SPTAN1: variants seen among roughly 807,000 people sequenced by gnomAD.
The protein encoded by SPTAN1 is spectrin alpha chain, non-erythrocytic 1.
In SPTAN1, 61 loss-of-function variants were observed where a neutral mutation model predicts 331.3. That is an observed-to-expected ratio of 0.18 (90% CI 0.15 to 0.23). The LOEUF is 0.23. Among genes scored for constraint, SPTAN1 ranks in the 10% least tolerant of loss-of-function variants. SPTAN1 has a pLI of 1.00. For synonymous variants in SPTAN1, 1,153 were observed against 1,173.9 expected (o/e 0.98, Z 0.36); for missense variants, 2,043 against 3,147.9 (o/e 0.65, Z 8.40).
rs1479581610 is a variant in SPTAN1 at position 128,627,369 on chromosome 9, C to T, written c.6577-17C>T. 6 of 1,549,382 alleles carry T rather than the reference C, an allele frequency of 3.9e-6. No individual in the cohort carries two copies. In the South Asian group the frequency reaches 7.1e-5, roughly 18 times the overall value. On this transcript the variant is annotated splice_polypyrimidine_tract_variant and intron_variant, in intron 49 of 56. Coordinates refer to ENST00000372739, the MANE Select transcript of SPTAN1 (RefSeq NM_001130438.3). The surrounding 1 kb of genome is among the most constrained non-coding windows in gnomAD (Gnocchi z 4.9). ...TGCCACAGCAGCGCACAGCATCTGC[C>T]CCCCTTTGGCCCTCAGGAGAGGGAG...
chr9:128,568,798 T>C lies in SPTAN1; in HGVS notation c.264T>C (p.Phe88=). The C allele has an allele frequency of 6.2e-7, 1 of 1,614,116 alleles. No individual in the cohort carries two copies. Among genetic ancestry groups the C allele is most frequent in the Non-Finnish European group, 8.5e-7 (1 of 1,179,998 alleles). ...LQGKLQKHQA[F]EAEVQANSGA... ...GAAAGCTTCAGAAGCATCAAGCATTTGAAGCTGAAGTGCAGGCCAACTCAG... is the reference window on the plus strand; with the variant it reads ...GAAAGCTTCAGAAGCATCAAGCATTCGAAGCTGAAGTGCAGGCCAACTCAG... Residue 88 remains phenylalanine, a synonymous_variant, in exon 3 of 57, where the codon TTT becomes TTC. Transcript: ENST00000372739.
chr9:128,582,972 C>T lies in SPTAN1; in HGVS notation c.1807-105C>T, dbSNP rs1564224562. 4 of 1,574,538 alleles carry T rather than the reference C, an allele frequency of 2.5e-6. No individual in the cohort carries two copies. The East Asian group carries it at 9.0e-5, about 35-fold the overall frequency. On this transcript the variant is annotated intron_variant, in intron 14 of 56. Transcript: ENST00000372739. Reference sequence around the variant, plus strand: ...AGAAACCCCACTACTTAATGTAAGCCAACTGTTTTATACATTCCTCCATAA... The same window carrying T: ...AGAAACCCCACTACTTAATGTAAGCTAACTGTTTTATACATTCCTCCATAA...
rs112366038 is a variant in SPTAN1 at position 128,591,930 on chromosome 9, C to T, written c.3155+305C>T. Among the ~76,000 whole-genome samples, 939 of 152,292 alleles carry T rather than the reference C, an allele frequency of 6.2e-3. 8 individuals are homozygous for T. The highest frequency in any genetic ancestry group is 0.021 in the African/African-American group (866 of 41,540). On this transcript the variant is annotated intron_variant, in intron 22 of 56. Transcript: ENST00000372739. ...TGAAATTGGATTTTCAGATACTCTA[C>T]GCCCCTACAGCTCTGTCCACTTTGA...
At chr9:128,598,859 C>A in intron 25 of SPTAN1, 104 bp from the exon 26 acceptor site, 1 of 1,068,856 alleles carries the variant, frequency 9.4e-7, no homozygotes, top group Non-Finnish European at 1.5e-6. Context: ...TCCATTTGTC[C>A]TTTTGGAATT....
Position 128,615,831 on chromosome 9 carries a change from C to G in SPTAN1, c.5348C>G (p.Ser1783Cys). ...TTCCGGGACATGGATGACGAGGAGTCCTGGATCAAGTATGTCTTCTCAGCC... is the reference window on the plus strand; with the variant it reads ...TTCCGGGACATGGATGACGAGGAGTGCTGGATCAAGTATGTCTTCTCAGCC... ...QFFRDMDDEE[S>C]WIKEKKLLVG... Residue 1783 changes from serine to cysteine, a missense_variant, in exon 41 of 57, where the codon TCC becomes TGC. Physicochemically the swap from Ser to Cys is moderately radical, Grantham distance 112 (BLOSUM62 -1). Transcript: ENST00000372739. The G allele has an allele frequency of 6.2e-7, 1 of 1,614,198 alleles. No individual in the cohort carries two copies. The highest frequency in any genetic ancestry group is 2.2e-5 in the East Asian group (1 of 44,882).
At chr9:128,560,682 C>G (rs1849215448) in intron 1 of SPTAN1, among the ~76,000 whole-genome samples, 1 of 151,978 alleles carries the variant, frequency 6.6e-6, no homozygotes, top group South Asian at 2.1e-4. Context: ...GTCTGCCTCA[C>G]TGTTTTTTCA....
chr9:128,600,019 G>C, intron 26 of SPTAN1, 61 bp from the exon 27 acceptor site: 1 of 1,571,322 alleles, frequency 6.4e-7, no homozygotes, highest in Non-Finnish European at 8.8e-7. Context: ...CGCTGGAAAG[G>C]CCAGGTGCTT....
chr9:128,624,240 T>C (rs1217895751), intron 45 of SPTAN1, 88 bp from the exon 46 acceptor site: 75 of 1,548,822 alleles, frequency 4.8e-5, no homozygotes, highest in South Asian at 1.7e-4. Flanking sequence ...GCCCATTTTA[T>C]AGAAGTTTAG....
chr9:128,583,835 G>T lies in SPTAN1; in HGVS notation c.2059G>T (p.Val687Phe). The T allele has an allele frequency of 1.2e-6, 2 of 1,614,220 alleles. No individual in the cohort carries two copies. The highest frequency in any genetic ancestry group is 1.7e-6 in the Non-Finnish European group (2 of 1,180,040). The change falls in exon 16 of 57, where the codon GTT becomes TTT. Residue 687 changes from valine to phenylalanine, a missense_variant. Val to Phe is a conservative substitution (Grantham distance 50). Around this residue, in one of 12 missense-constraint regions of SPTAN1, gnomAD observed 1,038 missense variants for 1,531.5 expected, o/e 0.68. Coordinates refer to ENST00000372739, the MANE Select transcript of SPTAN1 (RefSeq NM_001130438.3). Reference sequence around the variant, plus strand: ...CCAGCAACAGCAATTTAATCGCAATGTTGAGGATATTGAATTGTGGCTATA... The same window carrying T: ...CCAGCAACAGCAATTTAATCGCAATTTTGAGGATATTGAATTGTGGCTATA... ...ANQQQQFNRN[V>F]EDIELWLYEV...
intron 43 of SPTAN1, 63 bp from the exon 44 acceptor site, chr9:128,618,808 T>C: frequency 6.2e-7 from 1 of 1,612,938 alleles, no homozygotes; most frequent in Non-Finnish European, 8.5e-7. Flanking sequence ...AAGCATATGT[T>C]AACTATCACA....
At chr9:128,594,590 C>A (rs1853980920) in intron 24 of SPTAN1, among the ~76,000 whole-genome samples, 1 of 151,466 alleles carries the variant, frequency 6.6e-6, no homozygotes, top group African/African-American at 2.4e-5. Context: ...GTCACCACGC[C>A]CTGCTAATTT....
intron 25 of SPTAN1, 136 bp downstream of exon 25, chr9:128,598,640 T>A: frequency 1.3e-6 from 1 of 790,286 alleles, no homozygotes; most frequent in Non-Finnish European, 2.2e-6. Context: ...GTCCTCTATG[T>A]GACCAAAACC....
At chr9:128,604,286 A>T (rs1232955377) in intron 28 of SPTAN1, 40 bp from the exon 29 acceptor site, 2 of 1,595,478 alleles carry the variant, frequency 1.3e-6, no homozygotes, top group South Asian at 1.1e-5. Context: ...GCATGACAGG[A>T]GAGGGAGTGC....
chr9:128,593,691 G>A (rs1853837040), intron 23 of SPTAN1: 1 of 210,872 alleles, frequency 4.7e-6, no homozygotes, highest in African/African-American at 2.3e-5. Flanking sequence ...CTACTAATAT[G>A]GAGATAAAAC....
At chr9:128,579,759 C>G in intron 10 of SPTAN1, 21 bp downstream of exon 10, 2 of 1,593,764 alleles carry the variant, frequency 1.3e-6, no homozygotes, top group South Asian at 2.2e-5. Flanking sequence ...AGAAATGGAG[C>G]TTTTGAGGAG....
intron 3 of SPTAN1, among the ~76,000 whole-genome samples, chr9:128,569,748 C>T (rs1850437818): frequency 6.6e-6 from 1 of 152,004 alleles, no homozygotes. Context: ...TAAGCCCCAG[C>T]TAGAACTGTT....
chr9:128,569,677 G>C (rs1850431232), intron 3 of SPTAN1, among the ~76,000 whole-genome samples: 1 of 151,850 alleles, frequency 6.6e-6, no homozygotes, highest in Admixed American at 6.6e-5. Flanking sequence ...TTGAGGCCCA[G>C]CCTTTTCTAG....
intron 52 of SPTAN1, chr9:128,631,858 T>C (rs1859793094): frequency 4.0e-6 from 2 of 501,928 alleles, no homozygotes; most frequent in Non-Finnish European, 3.6e-6. Flanking sequence ...CTTCCTGGAG[T>C]CCTCGCCGTA....
At chr9:128,553,203 A>G (rs1848320720) in intron 1 of SPTAN1, 1 of 152,274 alleles carries the variant, frequency 6.6e-6, no homozygotes. Flanking sequence ...GGGGAGCCCG[A>G]GCATAGCGTA....
Sources: allele counts gnomAD v4.1 joint callset (sites outside exome capture counted in the v4.1 genomes callset), GRCh38; gene constraint gnomAD v4.1.1; regional missense constraint gnomAD v4.1.1; non-coding constraint Gnocchi (gnomAD v3.1); transcripts MANE v1.5; gene names NCBI Gene and HGNC (gene_info 2026-07-23, HGNC 2026-07-21).